Variants in PDE10A observed in about 807,000 individuals in gnomAD.
The protein encoded by PDE10A is phosphodiesterase 10A.
In PDE10A, 39 loss-of-function variants were observed where a neutral mutation model predicts 97.7. That is an observed-to-expected ratio of 0.40 (90% CI 0.31 to 0.52). PDE10A has a LOEUF of 0.52. Ranked by LOEUF, PDE10A falls within the 20% of genes least tolerant of loss-of-function variation. PDE10A has a pLI of 0.56. For missense variants in PDE10A, 731 were observed against 1,047.8 expected, an observed-to-expected ratio of 0.70 and a Z score of 4.17; for synonymous variants, 371 against 376.8, an observed-to-expected ratio of 0.98 and a Z score of 0.18.
chr6:165,874,119 A>G (rs915358200), intron 1 of PDE10A, among the ~76,000 whole-genome samples: 4 of 152,230 alleles, frequency 2.6e-5, no homozygotes, highest in African/African-American at 9.6e-5. Context: ...AGAACTGATC[A>G]CTGCTCAGGA....
At chr6:165,657,846 C>T (rs958611128) in intron 1 of PDE10A, among the ~76,000 whole-genome samples, 1 of 152,210 alleles carries the variant, frequency 6.6e-6, no homozygotes, top group African/African-American at 2.4e-5. Flanking sequence ...AAATAGGTCA[C>T]CCTTCCACGG....
intron 1 of PDE10A, among the ~76,000 whole-genome samples, chr6:165,884,994 A>G (rs1308767624): frequency 4.6e-5 from 7 of 152,190 alleles, no homozygotes; most frequent in African/African-American, 1.7e-4. Context: ...AATTCCGCCT[A>G]GACTGCGGTG....
chr6:165,491,197 G>A (rs754071482), intron 2 of PDE10A, among the ~76,000 whole-genome samples: 1 of 152,072 alleles, frequency 6.6e-6, no homozygotes, highest in Non-Finnish European at 1.5e-5. Context: ...TAGTCCAACA[G>A]AAAAATATCA....
At chr6:165,359,449 A>G (rs1438132467) in intron 18 of PDE10A, among the ~76,000 whole-genome samples, 1 of 152,156 alleles carries the variant, frequency 6.6e-6, no homozygotes, top group Non-Finnish European at 1.5e-5. Flanking sequence ...AACACGCATC[A>G]TGTGTAGTAT....
At chr6:165,756,799 A>G (rs1379048983) in intron 1 of PDE10A, among the ~76,000 whole-genome samples, 1 of 151,922 alleles carries the variant, frequency 6.6e-6, no homozygotes, top group Non-Finnish European at 1.5e-5. Flanking sequence ...TCCCACAAGC[A>G]GAATGTGTCA....
intron 1 of PDE10A, among the ~76,000 whole-genome samples, chr6:165,629,484 A>G (rs571956805): frequency 1.0e-3 from 153 of 151,740 alleles, no homozygotes; most frequent in African/African-American, 3.5e-3. Context: ...TATAGTTTAT[A>G]AACTGTCCAA....
intron 1 of PDE10A, among the ~76,000 whole-genome samples, chr6:165,562,162 A>C (rs1784553543): frequency 6.6e-6 from 1 of 152,176 alleles, no homozygotes. Flanking sequence ...TTAGTTTACT[A>C]GATATACTAT....
intron 1 of PDE10A, among the ~76,000 whole-genome samples, chr6:165,851,794 A>G (rs993390922): frequency 6.6e-6 from 1 of 152,170 alleles, no homozygotes; most frequent in Admixed American, 6.5e-5. Context: ...TGAAGTATAC[A>G]TTAAAAAAAA....
chr6:165,551,474 T>C (rs1784010764), intron 1 of PDE10A, among the ~76,000 whole-genome samples: 1 of 152,224 alleles, frequency 6.6e-6, no homozygotes, highest in African/African-American at 2.4e-5. Context: ...ACTAAGTATG[T>C]GGCACACAGA....
chr6:165,664,037 C>T (rs1326520940), upstream of PDE10A, among the ~76,000 whole-genome samples: 9 of 152,260 alleles, frequency 5.9e-5, no homozygotes, highest in African/African-American at 1.9e-4. Flanking sequence ...GCGCTGGGTC[C>T]GAGGAGGGGC....
chr6:165,676,472 CAG>C (rs574433004), intron 1 of PDE10A, among the ~76,000 whole-genome samples: 146 of 152,306 alleles, frequency 9.6e-4, no homozygotes, highest in Admixed American at 3.1e-3. Context: ...AGAGGTGGGT[CAG>C]GGTGCTGGGC....
chr6:165,792,666 C>A (rs540938604), intron 1 of PDE10A, among the ~76,000 whole-genome samples: 1 of 152,122 alleles, frequency 6.6e-6, no homozygotes, highest in Non-Finnish European at 1.5e-5. Flanking sequence ...GCGGTCCCGA[C>A]GCTGACCACA....
chr6:165,813,067 A>G (rs1779321701), intron 1 of PDE10A, among the ~76,000 whole-genome samples: 1 of 152,122 alleles, frequency 6.6e-6, no homozygotes. Flanking sequence ...AGCGGTAGGC[A>G]GTGCACTTGA....
chr6:165,656,937 A>T (rs1789998710), intron 1 of PDE10A, among the ~76,000 whole-genome samples: 1 of 152,258 alleles, frequency 6.6e-6, no homozygotes, highest in South Asian at 2.1e-4. Flanking sequence ...CTGAGTCCAC[A>T]GAACAGAGGC....
intron 2 of PDE10A, among the ~76,000 whole-genome samples, chr6:165,540,249 C>G (rs1783348996): frequency 1.3e-5 from 2 of 152,082 alleles, no homozygotes; most frequent in Non-Finnish European, 2.9e-5. Flanking sequence ...AAAGTTTAGC[C>G]AAATATAAAT....
chr6:165,834,793 G>A (rs1351155085), intron 1 of PDE10A, among the ~76,000 whole-genome samples: 2 of 152,208 alleles, frequency 1.3e-5, no homozygotes, highest in Admixed American at 6.5e-5. Context: ...TTGAAGAGTG[G>A]CCAGGCATTG....
At position 165,483,231 on chromosome 6, in the gene PDE10A, A is replaced by C. The variant is rs143306596; in HGVS notation, c.995-888T>G. On this transcript the variant is annotated intron_variant, in intron 2 of 21. Transcript: ENST00000539869. Reference sequence around the variant, plus strand: ...TTTTGGTTCCTGTGTCTTCTTGAGCAATCAAACCCTGTTGTCTGTCACCAT... The same window carrying C: ...TTTTGGTTCCTGTGTCTTCTTGAGCCATCAAACCCTGTTGTCTGTCACCAT... 4.4e-3 allele frequency among the ~76,000 whole-genome samples: 667 copies of C among 152,342 alleles called. 6 individuals are homozygous for C. The highest frequency in any genetic ancestry group is 6.8e-3 in the Middle Eastern group (2 of 294).
intron 1 of PDE10A, among the ~76,000 whole-genome samples, chr6:165,753,369 C>A (rs1245962933): frequency 1.3e-5 from 2 of 152,200 alleles, no homozygotes; most frequent in African/African-American, 4.8e-5. Flanking sequence ...TTTCAGACTC[C>A]ATTCAGCCAG....
intron 1 of PDE10A, among the ~76,000 whole-genome samples, chr6:165,782,514 G>A (rs116959151): frequency 0.015 from 2,215 of 152,298 alleles, 26 homozygotes; most frequent in Non-Finnish European, 0.022. Flanking sequence ...GCTACATCCA[G>A]AGTTAGAGAT....
Sources: allele counts gnomAD v4.1 joint callset (sites outside exome capture counted in the v4.1 genomes callset), GRCh38; gene constraint gnomAD v4.1.1; transcripts MANE v1.5; gene names NCBI Gene and HGNC (gene_info 2026-07-23, HGNC 2026-07-21).